NCOA7: variants seen among roughly 807,000 people sequenced by gnomAD.
NCOA7 encodes the protein 140 kDa estrogen receptor-associated protein.
A neutral mutation model predicts 104.3 loss-of-function variants in NCOA7; 45 were observed. That is an observed-to-expected ratio of 0.43 (90% CI 0.34 to 0.55). The LOEUF (loss-of-function observed/expected upper bound fraction) is 0.55. Among genes scored for constraint, NCOA7 ranks in the 20% least tolerant of loss-of-function variants. The pLI is 0.02. For synonymous variants in NCOA7, 398 were observed against 402.3 expected, an observed-to-expected ratio of 0.99 and a Z score of 0.13; for missense variants, 1,041 against 1,119.7, an observed-to-expected ratio of 0.93 and a Z score of 1.00.
chr6:125,874,079 C>T (rs1783155279), intron 3 of NCOA7, among the ~76,000 whole-genome samples: 1 of 152,216 alleles, frequency 6.6e-6, no homozygotes, highest in Admixed American at 6.5e-5. Context: ...AATCCCAACA[C>T]TTCAGGAGGC....
intron 1 of NCOA7, among the ~76,000 whole-genome samples, chr6:125,796,195 G>A (rs1401579845): frequency 6.6e-6 from 1 of 151,978 alleles, no homozygotes; most frequent in Non-Finnish European, 1.5e-5. Context: ...CTATGTTATA[G>A]CTAATAGCTA....
intron 10 of NCOA7, among the ~76,000 whole-genome samples, chr6:125,907,286 T>C (rs917488718): frequency 6.6e-6 from 1 of 152,168 alleles, no homozygotes; most frequent in Admixed American, 6.5e-5. Context: ...ACCTTTGAGG[T>C]TTCCCATCTC....
At chr6:125,816,047 T>G (rs1007106114) in intron 2 of NCOA7, among the ~76,000 whole-genome samples, 1 of 152,226 alleles carries the variant, frequency 6.6e-6, no homozygotes, top group African/African-American at 2.4e-5. Flanking sequence ...AGCCAGAATG[T>G]TTTCAGACTC....
Position 125,921,069 on chromosome 6 carries a change from G to A in NCOA7, c.2370+1G>A, listed in dbSNP as rs1306742624. ...CCTGGAGAATATGCACATCGAGCAG[G>A]TGGGCTCGCCCTGGCCACCAAGGGT... is the stretch of plus-strand genomic sequence containing the variant. On this transcript the variant is annotated splice_donor_variant, in intron 12 of 15. Transcript: ENST00000392477. LOFTEE classifies it high-confidence loss of function. The A allele has an allele frequency of 1.2e-6, 2 of 1,612,436 alleles. No homozygotes were observed. Among genetic ancestry groups the A allele is most frequent in the Non-Finnish European group, 1.7e-6 (2 of 1,179,062 alleles).
chr6:125,830,733 A>ATGTGTGTG (rs1491378471), intron 2 of NCOA7, among the ~76,000 whole-genome samples: 211 of 111,774 alleles, frequency 1.9e-3, no homozygotes, highest in East Asian at 0.01. Flanking sequence ...ATATATATAT[A>ATGTGTGTG]TATATGTGTG....
At chr6:125,807,378 G>A (rs1776559405) in intron 1 of NCOA7, among the ~76,000 whole-genome samples, 1 of 152,270 alleles carries the variant, frequency 6.6e-6, no homozygotes, top group East Asian at 1.9e-4. Flanking sequence ...TCCTCAAAAA[G>A]GGTATGACAG....
chr6:125,915,549 C>A, intron 11 of NCOA7, 69 bp downstream of exon 11: 1 of 1,576,988 alleles, frequency 6.3e-7, no homozygotes, highest in South Asian at 1.1e-5. Context: ...CATTCAGATT[C>A]CATGTAACAG....
chr6:125,848,628 C>A (rs1484214752), intron 2 of NCOA7, among the ~76,000 whole-genome samples: 1 of 152,028 alleles, frequency 6.6e-6, no homozygotes, highest in African/African-American at 2.4e-5. Context: ...GGGTAGGGAA[C>A]ATCACACACT....
intron 10 of NCOA7, among the ~76,000 whole-genome samples, chr6:125,899,500 A>G (rs973135337): frequency 1.8e-4 from 27 of 152,208 alleles, no homozygotes; most frequent in African/African-American, 6.0e-4. Context: ...GTGATTCGTA[A>G]GTACCACTTA....
At chr6:125,927,550 A>G (rs1788142837) in intron 13 of NCOA7, 113 bp from the exon 14 acceptor site, 1 of 779,020 alleles carries the variant, frequency 1.3e-6, no homozygotes, top group East Asian at 2.6e-5. Context: ...CAATTTAGTA[A>G]TAATCTTTGC....
At chr6:125,922,579 G>T (rs986756918) in intron 12 of NCOA7, 103 bp from the exon 13 acceptor site, 1 of 1,334,722 alleles carries the variant, frequency 7.5e-7, no homozygotes, top group Non-Finnish European at 1.0e-6. Context: ...CTATGTGAGT[G>T]TATGATACTG....
intron 1 of NCOA7, among the ~76,000 whole-genome samples, chr6:125,803,509 A>G (rs149948926): frequency 3.9e-5 from 6 of 152,250 alleles, no homozygotes; most frequent in African/African-American, 7.2e-5. Flanking sequence ...AGGAGTAAGC[A>G]TAAGTTGTTT....
At chr6:125,876,909 G>GTCTTGTCTT (rs1476274276) in intron 4 of NCOA7, among the ~76,000 whole-genome samples, 3 of 152,024 alleles carry the variant, frequency 2.0e-5, no homozygotes, top group African/African-American at 7.2e-5. Context: ...CTACATGTAT[G>GTCTTGTCTT]TCTTGTCTTT....
chr6:125,803,192 G>A (rs140949635), intron 1 of NCOA7, among the ~76,000 whole-genome samples: 80 of 152,310 alleles, frequency 5.3e-4, no homozygotes, highest in Admixed American at 1.1e-3. Flanking sequence ...TTTCAGGGAT[G>A]TCCCACTTTT....
intron 2 of NCOA7, among the ~76,000 whole-genome samples, chr6:125,834,466 A>C (rs1221977757): frequency 6.6e-6 from 1 of 152,212 alleles, no homozygotes; most frequent in Non-Finnish European, 1.5e-5. Context: ...AACCTAAGCT[A>C]ACTTCTTGGT....
At chr6:125,919,408 C>CTATTGTG (rs1393447648) in intron 11 of NCOA7, 1 of 1,612,698 alleles carries the variant, frequency 6.2e-7, no homozygotes, top group Admixed American at 1.7e-5. Context: ...TTGTGCCAGA[C>CTATTGTG]CTGACGAAGA....
intron 10 of NCOA7, among the ~76,000 whole-genome samples, chr6:125,899,194 G>T (rs771800140): frequency 1.2e-4 from 19 of 152,082 alleles, no homozygotes; most frequent in Non-Finnish European, 2.1e-4. Flanking sequence ...AAATCCTAAG[G>T]ACCTTCATGA....
intron 3 of NCOA7, among the ~76,000 whole-genome samples, chr6:125,867,930 G>A (rs1199550507): frequency 3.3e-5 from 5 of 152,080 alleles, no homozygotes; most frequent in Admixed American, 2.6e-4. Flanking sequence ...GCGGTGTTTC[G>A]GTAATAAGCC....
chr6:125,915,554 TAACAGGCTGGTAAGA>T (rs1786993708), intron 11 of NCOA7, 74 bp downstream of exon 11: 5 of 1,568,036 alleles, frequency 3.2e-6, no homozygotes. Flanking sequence ...AGATTCCATG[TAACAGGCTGGTAAGA>T]AACTAGAGTC....
Sources: gnomAD v4.1 joint callset for allele counts (sites outside exome capture counted in the v4.1 genomes callset) on GRCh38, gnomAD v4.1.1 for gene constraint, MANE v1.5 for transcripts, NCBI Gene and HGNC (gene_info 2026-07-23, HGNC 2026-07-21) for gene names.